The following FAT4 variants were observed in gnomAD, a reference collection of about 807,000 sequenced individuals.
The protein encoded by FAT4 is protocadherin Fat 4.
Under a neutral mutation model 303.9 loss-of-function variants are expected in FAT4, and 84 were observed. The ratio of observed to expected loss-of-function variants is 0.28; its 90% CI spans 0.23 to 0.33. The LOEUF (loss-of-function observed/expected upper bound fraction) is 0.33. FAT4 is among the 10% of genes least tolerant of loss of function. The pLI is 1.00. For missense variants in FAT4, 6,005 were observed against 6,146.8 expected (o/e 0.98, Z 0.77); for synonymous variants, 2,307 against 2,298.8 (o/e 1.00, Z -0.10).
At chr4:125,335,190 G>A (rs966497638) in intron 2 of FAT4, among the ~76,000 whole-genome samples, 1 of 152,088 alleles carries the variant, frequency 6.6e-6, no homozygotes, top group Non-Finnish European at 1.5e-5. Context: ...TGATAGAGGT[G>A]TCTATTATTG....
At chr4:125,438,042 G>A (rs1275226592) in intron 8 of FAT4, among the ~76,000 whole-genome samples, 1 of 152,144 alleles carries the variant, frequency 6.6e-6, no homozygotes, top group Non-Finnish European at 1.5e-5. Flanking sequence ...ATAAGTTTCT[G>A]ATAATGATTT....
At chr4:125,321,640 T>C in intron 2 of FAT4, 54 bp downstream of exon 2, 1 of 1,486,226 alleles carries the variant, frequency 6.7e-7, no homozygotes, top group Non-Finnish European at 9.0e-7. Flanking sequence ...AGAAAAATCA[T>C]TCTCTTTATA....
At chr4:125,461,224 T>TTAAATAAGAATTGATTCA (rs1466880799) in intron 10 of FAT4, among the ~76,000 whole-genome samples, 1 of 151,988 alleles carries the variant, frequency 6.6e-6, no homozygotes, top group Admixed American at 6.6e-5. Flanking sequence ...TTATACAGGG[T>TTAAATAAGAATTGATTCA]TAAATAAGAA....
rs1467813798 is a variant in FAT4 at position 125,315,594 on chromosome 4, A to C, written c.-396A>C. ...GGCAGGCGCCCCGGCAGAGGTGAAA[A>C]ATGCCGAGGAGCCCTGGCTGTTGTT... On this transcript the variant is annotated 5_prime_UTR_variant, in exon 1 of 18. Transcript: ENST00000394329. Among the ~76,000 whole-genome samples the C allele has an allele frequency of 6.6e-6, 1 of 152,132 alleles. No individual in the cohort carries two copies. Among genetic ancestry groups the C allele is most frequent in the Non-Finnish European group, 1.5e-5 (1 of 68,022 alleles).
At chr4:125,362,902 C>G (rs574334992) in intron 2 of FAT4, 2 of 151,852 alleles carry the variant, frequency 1.3e-5, no homozygotes, top group Admixed American at 1.3e-4. Flanking sequence ...TTCCCCACCC[C>G]CCGACTACTG....
In FAT4 at chr4:125,318,589, T is replaced by C; in HGVS notation, c.2178T>C (p.Tyr726=). 3.1e-6 allele frequency: 5 copies of C among 1,614,164 alleles called. No homozygotes were observed. The highest frequency in any genetic ancestry group is 4.2e-6 in the Non-Finnish European group (5 of 1,180,024). ...TGGGTACCAATGGTACTGTCAAATA[T>C]AGCATATCTGCTGGGGACAGGTCTC... ...PDLGTNGTVK[Y]SISAGDRSRF... The change falls in exon 2 of 18, where the codon TAT becomes TAC. Residue 726 remains tyrosine, a synonymous_variant. Transcript: ENST00000394329.
At position 125,318,636 on chromosome 4, in the gene FAT4, G is replaced by A. The variant is rs201172737; in HGVS notation, c.2225G>A (p.Ser742Asn). 15 of 1,614,128 alleles carry A rather than the reference G, an allele frequency of 9.3e-6. No individual in the cohort carries two copies. Among genetic ancestry groups the A allele is most frequent in the Middle Eastern group, 1.6e-4 (1 of 6,062 alleles). Reference sequence around the variant, plus strand: ...TCTCGGTTTCAGGTCAATGCTCAGAGTGGGGTTATTTCTACAAGAATGGCC... The same window carrying A: ...TCTCGGTTTCAGGTCAATGCTCAGAATGGGGTTATTTCTACAAGAATGGCC... ...DRSRFQVNAQSGVISTRMALD... is the reference protein window; with the variant it reads ...DRSRFQVNAQNGVISTRMALD... The change falls in exon 2 of 18, where the codon AGT becomes AAT. Residue 742 changes from serine to asparagine, a missense_variant. Physicochemically the swap from Ser to Asn is conservative, Grantham distance 46. Coordinates refer to ENST00000394329, the MANE Select transcript of FAT4 (RefSeq NM_001291303.3).
chr4:125,395,792 T>G (rs1734146741), intron 2 of FAT4, among the ~76,000 whole-genome samples: 1 of 152,136 alleles, frequency 6.6e-6, no homozygotes. Flanking sequence ...TATAGATTCA[T>G]TCAAAAAGGT....
intron 2 of FAT4, among the ~76,000 whole-genome samples, chr4:125,366,983 G>A (rs1178949008): frequency 6.6e-6 from 1 of 151,904 alleles, no homozygotes; most frequent in Non-Finnish European, 1.5e-5. Context: ...TAAGTTCCTT[G>A]TAGATGCTGG....
chr4:125,476,718 G>A (rs558486007), intron 13 of FAT4, among the ~76,000 whole-genome samples: 3 of 152,190 alleles, frequency 2.0e-5, no homozygotes, highest in South Asian at 2.1e-4. Context: ...AAGTAGTCAC[G>A]CATCATGATG....
intron 10 of FAT4, among the ~76,000 whole-genome samples, chr4:125,459,656 C>T (rs1257177570): frequency 6.6e-6 from 1 of 152,010 alleles, no homozygotes; most frequent in Non-Finnish European, 1.5e-5. Context: ...GGAAGGAGGC[C>T]TCTTGAGTTC....
At chr4:125,364,993 T>A (rs1732823422) in intron 2 of FAT4, among the ~76,000 whole-genome samples, 1 of 152,092 alleles carries the variant, frequency 6.6e-6, no homozygotes, top group Non-Finnish European at 1.5e-5. Flanking sequence ...GGACTAACAG[T>A]TGATAGTAGA....
chr4:125,441,766 G>T (rs965945923), intron 8 of FAT4, among the ~76,000 whole-genome samples: 1 of 152,014 alleles, frequency 6.6e-6, no homozygotes, highest in African/African-American at 2.4e-5. Flanking sequence ...CCCATAAATG[G>T]CCCCAGCTAA....
chr4:125,455,334 T>G (rs1726240799), intron 10 of FAT4, among the ~76,000 whole-genome samples: 1 of 152,148 alleles, frequency 6.6e-6, no homozygotes, highest in Non-Finnish European at 1.5e-5. Context: ...TCTGGCTTGT[T>G]TATTTCTTTG....
intron 16 of FAT4, among the ~76,000 whole-genome samples, chr4:125,484,826 A>G (rs1218993260): frequency 6.6e-6 from 1 of 152,092 alleles, no homozygotes; most frequent in East Asian, 1.9e-4. Flanking sequence ...AGGTACAGTA[A>G]AAAGGCTGCA....
In FAT4 at chr4:125,414,875, T is replaced by A. The variant is rs757772633; in HGVS notation, c.5921-9T>A. On this transcript the variant is annotated splice_polypyrimidine_tract_variant and intron_variant, in intron 5 of 17. Coordinates refer to ENST00000394329, the MANE Select transcript of FAT4 (RefSeq NM_001291303.3). The stretch of plus-strand genomic sequence containing the variant: ...GTTTAAGAAAATTTTTTCTTCCCTT[T>A]AATTTCAGGCATCAACTCTCAATTG... The A allele has an allele frequency of 6.4e-7, 1 of 1,564,858 alleles. No homozygotes were observed. The highest frequency in any genetic ancestry group is 8.7e-7 in the Non-Finnish European group (1 of 1,152,740).
rs78122496 is a variant in FAT4, at chr4:125,476,738, T to C, written c.12300-417T>C. On this transcript the variant is annotated intron_variant, in intron 13 of 17. Coordinates refer to ENST00000394329, the MANE Select transcript of FAT4 (RefSeq NM_001291303.3). ...GTCACGCATCATGATGCATCATTCA[T>C]TGCCTCAATCAACTTATTGGCATCC... 7.8e-3 allele frequency among the ~76,000 whole-genome samples: 1,183 copies of C among 152,288 alleles called. 54 individuals carry two copies. The East Asian group carries it at 0.084, about 11-fold the overall frequency.
At position 125,468,780 on chromosome 4, in the gene FAT4, T is replaced by G; in HGVS notation, c.12174T>G (p.Asp4058Glu). 1.2e-6 allele frequency: 2 copies of G among 1,613,620 alleles called. No individual in the cohort carries two copies. The highest frequency in any genetic ancestry group is 1.7e-6 in the Non-Finnish European group (2 of 1,179,594). Reference protein sequence around the residue: ...YKLTTMKKVSDGHFHTVIARR... With the variant: ...YKLTTMKKVSEGHFHTVIARR... ...TCACCACCATGAAGAAGGTGTCAGATGGACATTTTCACACTGTGATTGCCA... is the reference window on the plus strand; with the variant it reads ...TCACCACCATGAAGAAGGTGTCAGAGGGACATTTTCACACTGTGATTGCCA... The change falls in exon 12 of 18, where the codon GAT becomes GAG. Residue 4058 changes from aspartate (D) to glutamate (E), a missense_variant. By Grantham distance (45) the Asp-to-Glu change is conservative. Transcript: ENST00000394329.
intron 2 of FAT4, among the ~76,000 whole-genome samples, chr4:125,338,073 T>C (rs1380677309): frequency 2.6e-5 from 4 of 152,160 alleles, no homozygotes; most frequent in Non-Finnish European, 5.9e-5. Context: ...TGCCAGGATA[T>C]AACATTGAGA....
Sources: gnomAD v4.1 joint callset for allele counts (sites outside exome capture counted in the v4.1 genomes callset) on GRCh38, gnomAD v4.1.1 for gene constraint, MANE v1.5 for transcripts, NCBI Gene and HGNC (gene_info 2026-07-23, HGNC 2026-07-21) for gene names.